CFAP47: variants seen among roughly 807,000 people sequenced by gnomAD.
The protein encoded by CFAP47 is cilia and flagella associated protein 47, also known as cilia- and flagella-associated protein 47.
In CFAP47, 29 loss-of-function variants were observed where a neutral mutation model predicts 148.1. The ratio of observed to expected loss-of-function variants is 0.20; its 90% confidence interval spans 0.15 to 0.27. The LOEUF is 0.27. Ranked by LOEUF, CFAP47 falls within the 10% of genes least tolerant of loss-of-function variation. The pLI is 1.00. For synonymous variants in CFAP47, 664 were observed against 577.3 expected (o/e 1.15, Z -2.15); for missense variants, 1,872 against 1,697.5 (o/e 1.10, Z -1.81).
chrX:36,266,697 T>C (rs1556001104), intron 49 of CFAP47, among the ~76,000 whole-genome samples: 1 of 110,686 alleles, frequency 9.0e-6, no homozygotes, highest in African/African-American at 3.3e-5. Context: ...CTGCACTGCG[T>C]GTAGGCATGG....
At chrX:36,144,767 G>A in intron 35 of CFAP47, 2 of 1,025,879 alleles carry the variant, frequency 1.9e-6, no homozygotes, top group Non-Finnish European at 2.6e-6. Flanking sequence ...TCTCCCTTTG[G>A]AGCAGGATGC....
rs763251386 is a variant in CFAP47 at position 36,083,174 on chromosome X, C to T, written c.4692-2140C>T. 1.0e-4 allele frequency among the ~76,000 whole-genome samples: 11 copies of T among 110,150 alleles called. No homozygotes were observed. The South Asian group carries it at 3.8e-3, about 39-fold the overall frequency. ...CACCTTTCTTTGCAGGATGTTTCCC[C>T]AGCTTGATTCAGGAACATTTGACTT... On this transcript the variant is annotated intron_variant, in intron 29 of 63. Coordinates refer to ENST00000378653, the MANE Select transcript of CFAP47 (RefSeq NM_001304548.2).
chrX:36,212,557 AT>A (rs1344076577), intron 45 of CFAP47, among the ~76,000 whole-genome samples: 1 of 111,381 alleles, frequency 9.0e-6, no homozygotes, highest in Non-Finnish European at 1.9e-5. Context: ...GTCTTTAGAA[AT>A]TCTTTATTTT....
Position 35,966,706 on chromosome X carries a change from A to G in CFAP47, c.1552A>G (p.Ser518Gly). The part of the protein sequence containing the change: ...SFHHVYLAFN[S>G]ICKASTKKVV... Reference sequence around the variant, plus strand: ...CCATCACGTATATTTAGCTTTCAACAGCATCTGTAAAGCTTCCACCAAGAA... The same window carrying G: ...CCATCACGTATATTTAGCTTTCAACGGCATCTGTAAAGCTTCCACCAAGAA... The change falls in exon 9 of 64, where the codon AGC becomes GGC. Residue 518 changes from serine to glycine, a missense_variant. Ser to Gly is a moderately conservative substitution (Grantham distance 56). Coordinates refer to ENST00000378653, the MANE Select transcript of CFAP47 (RefSeq NM_001304548.2). 4 of 1,174,458 alleles carry G rather than the reference A, an allele frequency of 3.4e-6. No homozygotes were observed. The highest frequency in any genetic ancestry group is 4.6e-6 in the Non-Finnish European group (4 of 875,483).
At chrX:36,304,121 C>T (rs2146959753) in intron 54 of CFAP47, among the ~76,000 whole-genome samples, 161 bp downstream of exon 54, 1 of 111,637 alleles carries the variant, frequency 9.0e-6, no homozygotes, top group East Asian at 2.8e-4. Flanking sequence ...GTGGCTCATG[C>T]CTGTAATCCC....
intron 42 of CFAP47, among the ~76,000 whole-genome samples, chrX:36,191,842 G>A (rs782696241): frequency 9.1e-6 from 1 of 110,388 alleles, no homozygotes; most frequent in African/African-American, 3.3e-5. Context: ...AATCAGCTGG[G>A]CATAGTGGCA....
At chrX:36,321,816 C>T (rs1193424923) in intron 57 of CFAP47, among the ~76,000 whole-genome samples, 2 of 111,890 alleles carry the variant, frequency 1.8e-5, no homozygotes, top group East Asian at 2.8e-4. Flanking sequence ...ACTATTTATA[C>T]GTCTGCTTAT....
intron 32 of CFAP47, among the ~76,000 whole-genome samples, chrX:36,103,513 A>AAC (rs1938412474): frequency 9.9e-6 from 1 of 101,495 alleles, no homozygotes; most frequent in Admixed American, 1.1e-4. Context: ...AAAAAAAAAA[A>AAC]AAAAAAAAAA....
chrX:36,308,162 T>C (rs781810802), intron 55 of CFAP47, among the ~76,000 whole-genome samples: 17 of 111,341 alleles, frequency 1.5e-4, no homozygotes, highest in Non-Finnish European at 2.5e-4. Flanking sequence ...CTTTAAAAAT[T>C]CCTAGCCTAG....
intron 22 of CFAP47, among the ~76,000 whole-genome samples, chrX:36,029,423 T>C (rs1171453075): frequency 9.0e-6 from 1 of 111,279 alleles, no homozygotes; most frequent in Non-Finnish European, 1.9e-5. Flanking sequence ...CTTCTGCTAA[T>C]TTTGGCTTTG....
intron 42 of CFAP47, among the ~76,000 whole-genome samples, chrX:36,200,050 A>G (rs1939962798): frequency 8.9e-6 from 1 of 111,886 alleles, no homozygotes. Context: ...AATAAGTTAC[A>G]GACTAAAGGA....
intron 2 of CFAP47, among the ~76,000 whole-genome samples, chrX:35,937,370 G>T (rs150112071): frequency 1.9e-4 from 21 of 109,404 alleles, no homozygotes; most frequent in Non-Finnish European, 3.8e-4. Context: ...AGCGGGCAAA[G>T]AATACTGGGT....
intron 6 of CFAP47, among the ~76,000 whole-genome samples, chrX:35,952,887 C>T (rs752017188): frequency 9.0e-6 from 1 of 111,700 alleles, no homozygotes; most frequent in Non-Finnish European, 1.9e-5. Flanking sequence ...GATTTGAAGT[C>T]TTAGTTAAAT....
At chrX:35,932,386 A>C (rs181044467) in intron 2 of CFAP47, among the ~76,000 whole-genome samples, 2 of 105,672 alleles carry the variant, frequency 1.9e-5, no homozygotes, top group Admixed American at 2.1e-4. Flanking sequence ...CAGCCTCCTG[A>C]GTAGCTGGGA....
rs772690707 is a variant in CFAP47, at chrX:36,049,493, C to G, written c.4217+2430C>G. Among the ~76,000 whole-genome samples, 83 of 94,791 alleles carry G rather than the reference C, an allele frequency of 8.8e-4. 1 individual carries two copies. In the East Asian group the frequency reaches 0.025, roughly 28 times the overall value. The allele number at this position is 94,791 out of a possible 115,157, so 82.3% of individuals were successfully genotyped here. On this transcript the variant is annotated intron_variant, in intron 26 of 63. Transcript: ENST00000378653. ...TCTGCATGTATTTCTCTCTCTCACA[C>G]ACACACACACACACACACACACACA...
intron 29 of CFAP47, among the ~76,000 whole-genome samples, chrX:36,077,253 A>G (rs1449664202): frequency 2.6e-5 from 1 of 37,834 alleles, no homozygotes; most frequent in Non-Finnish European, 4.7e-5. Context: ...ATTTGGGCTT[A>G]TTTTTGGTTA....
intron 33 of CFAP47, among the ~76,000 whole-genome samples, chrX:36,114,046 G>C (rs1938598679): frequency 9.1e-6 from 1 of 110,475 alleles, no homozygotes; most frequent in Non-Finnish European, 1.9e-5. Context: ...TGCTGACCTC[G>C]TGATCTGCCC....
Position 36,000,432 on chromosome X carries a change from A to G in CFAP47, c.3322+5A>G. 3.4e-6 allele frequency: 1 copy of G among 291,661 alleles called. No individual in the cohort carries two copies. 24.0% of individuals were successfully genotyped at this position (291,661 alleles called of 1,213,427 possible). ...TGGATCTTAAAGACAAATCAGGTAT[A>G]TATTTTGTATATAATGGTATTACTG... On this transcript the variant is annotated splice_donor_5th_base_variant and intron_variant, in intron 20 of 63. Coordinates refer to ENST00000378653, the MANE Select transcript of CFAP47 (RefSeq NM_001304548.2).
intron 53 of CFAP47, among the ~76,000 whole-genome samples, chrX:36,303,071 T>A (rs782546384): frequency 1.3e-4 from 15 of 112,244 alleles, no homozygotes; most frequent in Non-Finnish European, 2.3e-4. Flanking sequence ...CAAAAATGTA[T>A]TGTCTCACAG....
Sources: gnomAD v4.1 joint callset for allele counts (sites outside exome capture counted in the v4.1 genomes callset) on GRCh38, gnomAD v4.1.1 for gene constraint, MANE v1.5 for transcripts, NCBI Gene and HGNC (gene_info 2026-07-23, HGNC 2026-07-21) for gene names.